Variants in MATN2 observed in about 807,000 individuals in gnomAD.
The protein encoded by MATN2 is matrilin 2, also known as matrilin-2.
Under a neutral mutation model 103.2 loss-of-function variants are expected in MATN2, and 69 were observed. The ratio of observed to expected loss-of-function variants is 0.67; its 90% CI spans 0.55 to 0.82. The LOEUF (loss-of-function observed/expected upper bound fraction) is 0.82, where lower values mean the gene tolerates loss of function less well. Ranked by LOEUF, MATN2 falls within the 40% of genes least tolerant of loss-of-function variation. The pLI, the probability that MATN2 is intolerant of heterozygous loss-of-function variation, is 0.00. For synonymous variants in MATN2, 429 were observed against 450.2 expected (o/e 0.95, Z 0.60); for missense variants, 1,023 against 1,211.5 (o/e 0.84, Z 2.31).
At chr8:97,872,502 C>T (rs1817928542) in intron 1 of MATN2, among the ~76,000 whole-genome samples, 1 of 152,172 alleles carries the variant, frequency 6.6e-6, no homozygotes, top group Admixed American at 6.5e-5. Flanking sequence ...TCTTGCAGTT[C>T]TGAAGTTCAG....
In MATN2 at chr8:98,034,111, T is replaced by C. The variant is rs562150083; in HGVS notation, c.2815+452T>C. On this transcript the variant is annotated intron_variant, in intron 18 of 18. Transcript: ENST00000254898. ...CCCCAAGGAACACCACAGCCACATA[T>C]AGATTCAGTGTGTTTAGTTTCTGGA... 6.2e-5 allele frequency: 28 copies of C among 453,670 alleles called. 1 individual carries two copies. The highest frequency in any genetic ancestry group is 1.2e-4 in the African/African-American group (6 of 49,828). The allele number at this position is 453,670 out of a possible 1,614,324, so 28.1% of individuals were successfully genotyped here. A position where few individuals can be genotyped will look rare whatever the true frequency, so the allele number is the denominator to read the frequency against.
At chr8:97,880,920 A>C (rs1312446320) in intron 1 of MATN2, among the ~76,000 whole-genome samples, 1 of 152,168 alleles carries the variant, frequency 6.6e-6, no homozygotes, top group Non-Finnish European at 1.5e-5. Flanking sequence ...TGACTGCCTG[A>C]GAGGTGCCAG....
chr8:97,920,042 T>C (rs923143038), intron 2 of MATN2, among the ~76,000 whole-genome samples: 2 of 152,094 alleles, frequency 1.3e-5, no homozygotes, highest in African/African-American at 2.4e-5. Flanking sequence ...GTATAAGGTA[T>C]AGGGCAGGGA....
At chr8:97,915,777 G>A (rs1809606377) in intron 2 of MATN2, among the ~76,000 whole-genome samples, 1 of 152,156 alleles carries the variant, frequency 6.6e-6, no homozygotes, top group African/African-American at 2.4e-5. Context: ...ACCTTCCTAT[G>A]CTGCTTTTTA....
chr8:97,998,775 T>C (rs1345326318), intron 7 of MATN2, among the ~76,000 whole-genome samples: 1 of 152,124 alleles, frequency 6.6e-6, no homozygotes, highest in Non-Finnish European at 1.5e-5. Context: ...GTATACAATA[T>C]GTTGTTTTGC....
At chr8:97,884,234 G>A (rs1055205157) in intron 1 of MATN2, among the ~76,000 whole-genome samples, 4 of 151,032 alleles carry the variant, frequency 2.6e-5, no homozygotes, top group African/African-American at 4.9e-5. Flanking sequence ...TTCACCTTCC[G>A]GGTTTAATAA....
At chr8:97,983,969 C>T (rs573273180) in intron 6 of MATN2, among the ~76,000 whole-genome samples, 15 of 152,246 alleles carry the variant, frequency 9.9e-5, no homozygotes, top group Admixed American at 9.1e-4. Flanking sequence ...ACTGAATCAG[C>T]AATAGAAGAA....
intron 2 of MATN2, among the ~76,000 whole-genome samples, chr8:97,894,348 TA>T (rs1241444530): frequency 9.2e-5 from 7 of 75,952 alleles, no homozygotes; most frequent in South Asian, 4.2e-4. Context: ...TTTTTTTTTT[TA>T]GACAGGATCT....
intron 2 of MATN2, among the ~76,000 whole-genome samples, chr8:97,926,025 G>A (rs1284457814): frequency 6.6e-6 from 1 of 152,186 alleles, no homozygotes; most frequent in Admixed American, 6.5e-5. Context: ...TCATTCTGCT[G>A]GAGTAGGAAT....
chr8:97,970,746 G>C lies in MATN2; in HGVS notation c.959-8140G>C, dbSNP rs184388695. Among the ~76,000 whole-genome samples the C allele has an allele frequency of 5.1e-3, 776 of 152,168 alleles. 11 individuals are homozygous for C. The highest frequency in any genetic ancestry group is 0.017 in the African/African-American group (705 of 41,504). ...GAGGATCACTTGAGACCAGGAGTTT[G>C]AGACCAGCCTAGACAACATAGTAAG... On this transcript the variant is annotated intron_variant, in intron 5 of 18. Coordinates refer to ENST00000254898, the MANE Select transcript of MATN2 (RefSeq NM_002380.5).
At position 97,869,660 on chromosome 8, in the gene MATN2, C is replaced by A. The variant is rs368268684; in HGVS notation, c.-27+373C>A. ...TGTTGAGCGGGTATGCAGGGTGATT[C>A]CTATTCCACGGACAGCCGATGGCTC... On this transcript the variant is annotated intron_variant, in intron 1 of 18. Coordinates refer to ENST00000254898, the MANE Select transcript of MATN2 (RefSeq NM_002380.5). Among the ~76,000 whole-genome samples the A allele has an allele frequency of 1.4e-4, 22 of 152,342 alleles. No homozygotes were observed. The East Asian group carries it at 3.5e-3, about 24-fold the overall frequency.
chr8:97,990,159 G>A (rs1175920515), intron 6 of MATN2, among the ~76,000 whole-genome samples: 3 of 126,368 alleles, frequency 2.4e-5, no homozygotes, highest in African/African-American at 9.6e-5. Context: ...TCCAGCCTGG[G>A]TGACAGAGCA....
intron 4 of MATN2, 144 bp downstream of exon 4, chr8:97,942,043 T>TAA: frequency 2.8e-6 from 3 of 1,078,286 alleles, no homozygotes; most frequent in Non-Finnish European, 4.0e-6. Flanking sequence ...AGTTTGGTAT[T>TAA]TTCTGTTGAC....
rs1811318320 is a variant in MATN2 at position 97,961,517 on chromosome 8, G to A, written c.945G>A (p.Gly315=). 1.2e-6 allele frequency: 2 copies of A among 1,612,926 alleles called. No individual in the cohort carries two copies. Among genetic ancestry groups the A allele is most frequent in the African/African-American group, 2.7e-5 (2 of 75,028 alleles). The change falls in exon 5 of 19, where the codon GGG becomes GGA. Residue 315 remains glycine, a synonymous_variant. Transcript: ENST00000254898. ...GTGGCTACGCCCTGGCTGAGGATGG[G>A]AAGAGGTGTGTGGGTGAGTATCCCT... ...CYSGYALAED[G]KRCVAVDYCA... is the part of the protein sequence containing the mutation.
At position 97,961,502 on chromosome 8, in the gene MATN2, C is replaced by T. The variant is rs1811317700; in HGVS notation, c.930C>T (p.Ala310=). Residue 310 remains alanine (A), a synonymous_variant, in exon 5 of 19, where the codon GCC becomes GCT. Coordinates refer to ENST00000254898, the MANE Select transcript of MATN2 (RefSeq NM_002380.5). Reference sequence around the variant, plus strand: ...TCTGCCAGTGCTACAGTGGCTACGCCCTGGCTGAGGATGGGAAGAGGTGTG... The same window carrying T: ...TCTGCCAGTGCTACAGTGGCTACGCTCTGGCTGAGGATGGGAAGAGGTGTG... ...SFVCQCYSGY[A]LAEDGKRCVA... is the part of the protein sequence containing the mutation. 1 of 1,613,280 alleles carries T rather than the reference C, an allele frequency of 6.2e-7. No individual in the cohort carries two copies. The highest frequency in any genetic ancestry group is 1.3e-5 in the African/African-American group (1 of 74,882).
chr8:98,026,257 T>G (rs555468614), intron 13 of MATN2, among the ~76,000 whole-genome samples: 4 of 100,660 alleles, frequency 4.0e-5, no homozygotes, highest in African/African-American at 1.5e-4. Context: ...TTTAATTTTG[T>G]TTTTTTTTTT....
intron 5 of MATN2, among the ~76,000 whole-genome samples, chr8:97,974,962 C>G (rs118082256): frequency 3.3e-5 from 5 of 152,290 alleles, no homozygotes; most frequent in Non-Finnish European, 7.4e-5. Flanking sequence ...ATGGGCATTA[C>G]TGACAAGTTC....
chr8:97,924,575 C>T (rs1227961856), intron 2 of MATN2, among the ~76,000 whole-genome samples: 2 of 152,166 alleles, frequency 1.3e-5, no homozygotes, highest in East Asian at 1.9e-4. Context: ...ACACCTGTCC[C>T]GTCCTTCATT....
Position 98,035,767 on chromosome 8 carries a change from C to T in MATN2, c.*55C>T. On this transcript the variant is annotated 3_prime_UTR_variant, in exon 19 of 19. Coordinates refer to ENST00000254898, the MANE Select transcript of MATN2 (RefSeq NM_002380.5). ...ATTGTATCACGGATTACAATGAACG[C>T]AGTGCAGAGCCCCAAAGCTCAGGCT... is the stretch of plus-strand genomic sequence containing the variant. The T allele has an allele frequency of 8.9e-7, 1 of 1,126,778 alleles. No individual in the cohort carries two copies. Among genetic ancestry groups the T allele is most frequent in the Non-Finnish European group, 1.3e-6 (1 of 773,506 alleles). The allele number at this position is 1,126,778 out of a possible 1,614,324, so 69.8% of individuals were successfully genotyped here. A position where few individuals can be genotyped will look rare whatever the true frequency, so the allele number is the denominator to read the frequency against.
Sources: gnomAD v4.1 joint callset for allele counts (sites outside exome capture counted in the v4.1 genomes callset) on GRCh38, gnomAD v4.1.1 for gene constraint, MANE v1.5 for transcripts, NCBI Gene and HGNC (gene_info 2026-07-23, HGNC 2026-07-21) for gene names.